Variants in BSND observed in about 807,000 individuals in gnomAD.
The protein encoded by BSND is barttin CLCNK type accessory subunit beta.
Under a neutral mutation model 18.8 loss-of-function variants are expected in BSND, and 13 were observed. The observed-to-expected ratio is 0.69, with a 90% CI of 0.45 to 1.10. The LOEUF is 1.10. BSND is among the 50% of genes least tolerant of loss of function. The pLI is 0.00. For synonymous variants in BSND, 170 were observed against 161.8 expected (o/e 1.05, Z -0.39); for missense variants, 379 against 416.7 (o/e 0.91, Z 0.79).
chr1:55,000,404 C>T (rs529671980), intron 1 of BSND, among the ~76,000 whole-genome samples: 2 of 151,836 alleles, frequency 1.3e-5, no homozygotes, highest in East Asian at 3.9e-4. Context: ...TGCTCAAGCC[C>T]CTTTCCTCTC....
rs1442273879 is a variant in BSND, at chr1:55,015,184, T to G, written c.*6556T>G. Among the ~76,000 whole-genome samples the G allele has an allele frequency of 3.3e-5, 5 of 152,256 alleles. No individual in the cohort carries two copies. Reference sequence around the variant, plus strand: ...TGGCACGTATTGGTGGCAAGAAGGCTGGTTTGTGCCCTGCGGCAGGGATTT... The same window carrying G: ...TGGCACGTATTGGTGGCAAGAAGGCGGGTTTGTGCCCTGCGGCAGGGATTT... On this transcript the variant is annotated 3_prime_UTR_variant, in exon 4 of 4. Transcript: ENST00000651561.
At position 55,007,086 on chromosome 1, in the gene BSND, T is replaced by G; in HGVS notation, c.362T>G (p.Val121Gly). The G allele has an allele frequency of 6.2e-7, 1 of 1,614,128 alleles. No homozygotes were observed. Among genetic ancestry groups the G allele is most frequent in the South Asian group, 1.1e-5 (1 of 91,076 alleles). ...LPDFSHIQMK[V>G]MSYSEDHRSL... is the part of the protein sequence containing the mutation. ...GACTTCAGCCACATCCAGATGAAAG[T>G]CATGAGCTACAGTGAGGACCACCGC... The change falls in exon 3 of 4, where the codon GTC becomes GGC. Residue 121 changes from valine to glycine, a missense_variant. Transcript: ENST00000651561.
intron 1 of BSND, among the ~76,000 whole-genome samples, chr1:55,002,723 G>C (rs1380251355): frequency 6.6e-6 from 1 of 152,188 alleles, no homozygotes; most frequent in Non-Finnish European, 1.5e-5. Context: ...CTTTTCCTAA[G>C]GGTGGTGATG....
chr1:55,016,954 A>G lies in BSND; in HGVS notation c.*8326A>G, dbSNP rs1045578804. Among the ~76,000 whole-genome samples, 1 of 152,176 alleles carries G rather than the reference A, an allele frequency of 6.6e-6. No individual in the cohort carries two copies. The highest frequency in any genetic ancestry group is 1.5e-5 in the Non-Finnish European group (1 of 68,028). On this transcript the variant is annotated 3_prime_UTR_variant, in exon 4 of 4. Transcript: ENST00000651561. ...CCCTCCTGATTGAATCAAATCCCCTATCACCACTCTCACAGCACCACAGAT... is the reference window on the plus strand; with the variant it reads ...CCCTCCTGATTGAATCAAATCCCCTGTCACCACTCTCACAGCACCACAGAT...
At position 55,004,976 on chromosome 1, in the gene BSND, C is replaced by T. The variant is rs749409330; in HGVS notation, c.178-46C>T. ...AATTCCCTGAGGGGACAGTAGCCCC[C>T]CTACCCTGGTCAACTGCACAGAGGC... On this transcript the variant is annotated intron_variant, in intron 1 of 3. Transcript: ENST00000651561. 3 of 1,575,746 alleles carry T rather than the reference C, an allele frequency of 1.9e-6. No individual in the cohort carries two copies. The African/African-American group carries it at 4.0e-5, about 21-fold the overall frequency.
chr1:55,007,038 C>A lies in BSND; in HGVS notation c.314C>A (p.Ala105Asp). 2 of 1,614,172 alleles carry A rather than the reference C, an allele frequency of 1.2e-6. No individual in the cohort carries two copies. Among genetic ancestry groups the A allele is most frequent in the Non-Finnish European group, 1.7e-6 (2 of 1,180,046 alleles). The part of the protein sequence containing the change: ...QPPYVRLWEE[A>D]AYDQSLPDFS... ...CCCTATGTAAGGCTGTGGGAGGAAGCCGCCTATGACCAGAGCCTGCCTGAC... is the reference window on the plus strand; with the variant it reads ...CCCTATGTAAGGCTGTGGGAGGAAGACGCCTATGACCAGAGCCTGCCTGAC... The change falls in exon 3 of 4, where the codon GCC becomes GAC. Residue 105 changes from alanine to aspartate, a missense_variant. By Grantham distance (126) the Ala-to-Asp change is moderately radical. Transcript: ENST00000651561.
In BSND at chr1:55,014,793, G is replaced by A. The variant is rs1318450483; in HGVS notation, c.*6165G>A. 2.0e-5 allele frequency among the ~76,000 whole-genome samples: 3 copies of A among 152,204 alleles called. No individual in the cohort carries two copies. The highest frequency in any genetic ancestry group is 4.4e-5 in the Non-Finnish European group (3 of 68,034). ...TGATTCTTAAGTGCTGAAGGGCTTA[G>A]TTGTTTGTTTTTCTTAAATGAGTTA... On this transcript the variant is annotated 3_prime_UTR_variant, in exon 4 of 4. Transcript: ENST00000651561.
chr1:55,005,718 G>A (rs1328247731), intron 2 of BSND, among the ~76,000 whole-genome samples: 2 of 152,350 alleles, frequency 1.3e-5, no homozygotes, highest in Admixed American at 1.3e-4. Context: ...CAGAGACTGA[G>A]TCAGGCACTG....
rs2495508 is a variant in BSND, at chr1:55,013,005, T to G, written c.*4377T>G. On this transcript the variant is annotated 3_prime_UTR_variant, in exon 4 of 4. Coordinates refer to ENST00000651561, the MANE Select transcript of BSND (RefSeq NM_057176.3). ...TGGGTATTACCAGGGGAGAAACTGA[T>G]ATTCAAACATAGGTCCTCTGAGCCT... is the stretch of plus-strand genomic sequence containing the variant. Among the ~76,000 whole-genome samples the G allele has an allele frequency of 0.23, 35,424 of 152,098 alleles. 5,047 individuals carry two copies. Among genetic ancestry groups the G allele is most frequent in the African/African-American group, 0.39 (16,286 of 41,454 alleles).
intron 3 of BSND, among the ~76,000 whole-genome samples, chr1:55,007,631 C>T (rs1450958087): frequency 1.3e-5 from 2 of 152,118 alleles, no homozygotes; most frequent in African/African-American, 4.8e-5. Context: ...GAATGCTTGT[C>T]GTGAGTAGCA....
At chr1:55,002,795 A>G (rs1644367475) in intron 1 of BSND, among the ~76,000 whole-genome samples, 1 of 148,404 alleles carries the variant, frequency 6.7e-6, no homozygotes, top group African/African-American at 2.5e-5. Flanking sequence ...GGTGATGGTG[A>G]TGATGATGAT....
At position 55,014,402 on chromosome 1, in the gene BSND, A is replaced by G. The variant is rs183580893; in HGVS notation, c.*5774A>G. Among the ~76,000 whole-genome samples, 4 of 152,346 alleles carry G rather than the reference A, an allele frequency of 2.6e-5. No homozygotes were observed. In the East Asian group the frequency reaches 7.7e-4, roughly 29 times the overall value. The stretch of plus-strand genomic sequence containing the variant: ...TTATTAATAAATTGAGGTTAGTGAT[A>G]TCGACCCAATAGGCATGTTGTGAAG... On this transcript the variant is annotated 3_prime_UTR_variant, in exon 4 of 4. Coordinates refer to ENST00000651561, the MANE Select transcript of BSND (RefSeq NM_057176.3).
At position 55,012,493 on chromosome 1, in the gene BSND, T is replaced by G. The variant is rs566531933; in HGVS notation, c.*3865T>G. Reference sequence around the variant, plus strand: ...CCTCTCAGAGCCTCAATGTCCACATTTATGCAGTGGGGAGGATAATACCTC... The same window carrying G: ...CCTCTCAGAGCCTCAATGTCCACATGTATGCAGTGGGGAGGATAATACCTC... On this transcript the variant is annotated 3_prime_UTR_variant, in exon 4 of 4. Transcript: ENST00000651561. 6.6e-6 allele frequency among the ~76,000 whole-genome samples: 1 copy of G among 152,304 alleles called. No individual in the cohort carries two copies. The highest frequency in any genetic ancestry group is 2.4e-5 in the African/African-American group (1 of 41,568).
chr1:55,012,638 A>G lies in BSND; in HGVS notation c.*4010A>G, dbSNP rs1644428374. Among the ~76,000 whole-genome samples the G allele has an allele frequency of 6.6e-6, 1 of 152,208 alleles. No homozygotes were observed. The highest frequency in any genetic ancestry group is 2.1e-4 in the South Asian group (1 of 4,824). ...TCCCTCATCTATGCATCAGGGAGCC[A>G]CTGTCCTGCCTATAAATAAAACAAT... On this transcript the variant is annotated 3_prime_UTR_variant, in exon 4 of 4. Coordinates refer to ENST00000651561, the MANE Select transcript of BSND (RefSeq NM_057176.3).
At chr1:55,006,856 T>C (rs1644393608) in intron 2 of BSND, 141 bp from the exon 3 acceptor site, 1 of 1,258,544 alleles carries the variant, frequency 7.9e-7, no homozygotes, top group Non-Finnish European at 1.1e-6. Context: ...TCCTCATCCC[T>C]GAAACGGGCG....
At chr1:55,003,349 T>C (rs115125361) in intron 1 of BSND, among the ~76,000 whole-genome samples, 1,903 of 152,298 alleles carry the variant, frequency 0.012, 39 homozygotes, top group African/African-American at 0.044. Flanking sequence ...GTCTCCCAAG[T>C]AGCTGGGATG....
In BSND at chr1:55,007,040, G is replaced by A. The variant is rs781639127; in HGVS notation, c.316G>A (p.Ala106Thr). The A allele has an allele frequency of 5.0e-6, 8 of 1,614,050 alleles. No individual in the cohort carries two copies. The highest frequency in any genetic ancestry group is 3.3e-5 in the South Asian group (3 of 91,082). ...CTATGTAAGGCTGTGGGAGGAAGCC[G>A]CCTATGACCAGAGCCTGCCTGACTT... ...PPYVRLWEEAAYDQSLPDFSH... is the reference protein window; with the variant it reads ...PPYVRLWEEATYDQSLPDFSH... Residue 106 changes from alanine to threonine, a missense_variant, in exon 3 of 4, where the codon GCC (alanine) becomes ACC (threonine). Coordinates refer to ENST00000651561, the MANE Select transcript of BSND (RefSeq NM_057176.3).
rs780708480 is a variant in BSND at position 55,008,408 on chromosome 1, C to T, written c.743C>T (p.Thr248Met). ...FQDFALIDAP[T>M]LEDEPQEGQQ... ...GACTTTGCCCTGATTGATGCCCCAA[C>T]GTTGGAGGATGAGCCCCAAGAGGGG... Residue 248 changes from threonine to methionine, a missense_variant, in exon 4 of 4, where the codon ACG becomes ATG. By Grantham distance (81) the Thr-to-Met change is moderately conservative. Transcript: ENST00000651561. 26 of 1,614,092 alleles carry T rather than the reference C, an allele frequency of 1.6e-5. No individual in the cohort carries two copies. The highest frequency in any genetic ancestry group is 4.4e-5 in the South Asian group (4 of 91,088).
intron 2 of BSND, among the ~76,000 whole-genome samples, chr1:55,005,624 T>C (rs1644385762): frequency 6.6e-6 from 1 of 152,172 alleles, no homozygotes; most frequent in Non-Finnish European, 1.5e-5. Flanking sequence ...TGAGATAATA[T>C]AGGCAGAGTG....
Sources: gnomAD v4.1 joint callset for allele counts (sites outside exome capture counted in the v4.1 genomes callset) on GRCh38, gnomAD v4.1.1 for gene constraint, MANE v1.5 for transcripts, NCBI Gene and HGNC (gene_info 2026-07-23, HGNC 2026-07-21) for gene names.